Variants in C2CD3 observed in about 807,000 individuals in gnomAD.
C2CD3 encodes C2 domain-containing protein 3.
In C2CD3, 148 loss-of-function variants were observed where a neutral mutation model predicts 234.0. The observed-to-expected ratio is 0.63, with a 90% CI of 0.55 to 0.72. The LOEUF (loss-of-function observed/expected upper bound fraction) is 0.72, where lower values mean the gene tolerates loss of function less well. Among genes scored for constraint, C2CD3 ranks in the 30% least tolerant of loss-of-function variants. C2CD3 has a pLI of 0.00. For missense variants in C2CD3, 2,577 were observed against 2,811.5 expected (o/e 0.92, Z 1.89); for synonymous variants, 1,000 against 1,035.4 (o/e 0.97, Z 0.66).
intron 3 of C2CD3, among the ~76,000 whole-genome samples, chr11:74,151,805 G>A (rs1444925058): frequency 6.6e-6 from 1 of 151,928 alleles, no homozygotes; most frequent in African/African-American, 2.4e-5. Context: ...CCTTAAAACC[G>A]CTATCATATA....
intron 32 of C2CD3, among the ~76,000 whole-genome samples, chr11:74,015,835 G>A (rs1030349276): frequency 6.6e-5 from 10 of 151,824 alleles, no homozygotes; most frequent in African/African-American, 2.2e-4. Context: ...GGGAGGCCAA[G>A]GCAGGGGGAT....
rs2135422060 is a variant in C2CD3 at position 74,042,116 on chromosome 11, T to C, written c.5598A>G (p.Pro1866=). ...GTGATGTGGTCAGTTTGTCATCACA[T>C]GGCAAGGGTGCCTCTCCCTGAAGAT... ...SLHLQGEAPL[P]CDDKLTTSPL... Residue 1866 remains proline, a synonymous_variant, in exon 29 of 33, where the codon CCA becomes CCG. Transcript: ENST00000334126. The C allele has an allele frequency of 6.2e-7, 1 of 1,613,484 alleles. No individual in the cohort carries two copies.
chr11:74,117,168 A>T lies in C2CD3; in HGVS notation c.1520+1060T>A, dbSNP rs866009514. On this transcript the variant is annotated intron_variant, in intron 9 of 32. Coordinates refer to ENST00000334126, the MANE Select transcript of C2CD3 (RefSeq NM_001286577.2). ...AATATATATATATGAATATATATAT[A>T]TGAATATATATATATGAATATATAT... is the stretch of plus-strand genomic sequence containing the variant. Among the ~76,000 whole-genome samples the T allele has an allele frequency of 1.8e-3, 123 of 70,156 alleles. 9 individuals are homozygous for T. The highest frequency in any genetic ancestry group is 0.017 in the East Asian group (40 of 2,422). The allele number at this position is 70,156 out of a possible 152,430, so 46.0% of individuals were successfully genotyped here. A position where few individuals can be genotyped will look rare whatever the true frequency, so the allele number is the denominator to read the frequency against.
At chr11:74,121,327 C>T (rs1172847800) in intron 8 of C2CD3, among the ~76,000 whole-genome samples, 1 of 151,938 alleles carries the variant, frequency 6.6e-6, no homozygotes, top group Admixed American at 6.6e-5. Flanking sequence ...TAAGACAGAG[C>T]TGGACATGAT....
At chr11:74,133,793 C>T (rs1012534426) in intron 5 of C2CD3, among the ~76,000 whole-genome samples, 1 of 152,184 alleles carries the variant, frequency 6.6e-6, no homozygotes, top group Non-Finnish European at 1.5e-5. Context: ...ATGAAGTCTC[C>T]ATTCCGGAGA....
chr11:74,048,962 C>A (rs1301802401), intron 27 of C2CD3, among the ~76,000 whole-genome samples: 1 of 152,134 alleles, frequency 6.6e-6, no homozygotes, highest in Non-Finnish European at 1.5e-5. Flanking sequence ...TCTTCATATT[C>A]TTTCAATTAT....
chr11:74,060,393 A>G (rs1954177041), intron 24 of C2CD3, among the ~76,000 whole-genome samples: 1 of 152,188 alleles, frequency 6.6e-6, no homozygotes, highest in South Asian at 2.1e-4. Flanking sequence ...ACACCCATAC[A>G]GCTGGGTTCC....
intron 28 of C2CD3, among the ~76,000 whole-genome samples, chr11:74,047,812 T>C (rs950499833): frequency 6.6e-6 from 1 of 152,198 alleles, no homozygotes; most frequent in African/African-American, 2.4e-5. Flanking sequence ...CTGAGAGCCA[T>C]ATGCATGTTC....
At chr11:74,139,380 T>C (rs1413686727) in intron 4 of C2CD3, among the ~76,000 whole-genome samples, 2 of 152,244 alleles carry the variant, frequency 1.3e-5, no homozygotes, top group Non-Finnish European at 2.9e-5. Context: ...GCTTCTCCGC[T>C]AGATTGTGAG....
chr11:74,133,017 G>GA (rs779120536), intron 6 of C2CD3, 45 bp from the exon 7 acceptor site: 5 of 1,593,124 alleles, frequency 3.1e-6, no homozygotes, highest in African/African-American at 2.7e-5. Context: ...CTAACAGATG[G>GA]AAAAAATCTA....
intron 24 of C2CD3, among the ~76,000 whole-genome samples, chr11:74,068,924 GCCT>G (rs1246998868): frequency 1.3e-5 from 2 of 152,140 alleles, no homozygotes; most frequent in Non-Finnish European, 2.9e-5. Flanking sequence ...TCCTGCCTCA[GCCT>G]CCTGAGTAGC....
At chr11:74,135,269 CTTT>C (rs111811054) in intron 5 of C2CD3, among the ~76,000 whole-genome samples, 8 of 140,880 alleles carry the variant, frequency 5.7e-5, no homozygotes, top group Admixed American at 7.1e-5. Flanking sequence ...TTATTTAAAA[CTTT>C]TTTTTTTTTT....
At chr11:74,092,339 AC>A in intron 19 of C2CD3, 76 bp downstream of exon 19, 1 of 1,362,850 alleles carries the variant, frequency 7.3e-7, no homozygotes, top group Non-Finnish European at 1.0e-6. Context: ...AGAGGTGTGA[AC>A]CACCGCACCC....
chr11:74,098,217 T>C lies in C2CD3; in HGVS notation c.2771A>G (p.Tyr924Cys), dbSNP rs757252926. 2 of 1,613,970 alleles carry C rather than the reference T, an allele frequency of 1.2e-6. No individual in the cohort carries two copies. Among genetic ancestry groups the C allele is most frequent in the Non-Finnish European group, 1.7e-6 (2 of 1,179,968 alleles). The change falls in exon 16 of 33, where the codon TAC (tyrosine) becomes TGC (cysteine). Residue 924 changes from tyrosine to cysteine, a missense_variant. Physicochemically the swap from Tyr to Cys is radical, Grantham distance 194. Transcript: ENST00000334126. ...GTAGCTGTCGACAGCAACAACTGGG[T>C]ACTGGGCATCCAGCAGCAGGCGAGA... ...KISRLLLDAQ[Y>C]PVVAVDSYMP...
At chr11:74,137,581 A>G in intron 5 of C2CD3, among the ~76,000 whole-genome samples, 1 of 149,458 alleles carries the variant, frequency 6.7e-6, no homozygotes, top group Middle Eastern at 3.4e-3. Flanking sequence ...ATATATATAT[A>G]TTTTTTCTTT....
intron 25 of C2CD3, among the ~76,000 whole-genome samples, chr11:74,055,844 G>A (rs1317879442): frequency 1.3e-5 from 2 of 152,180 alleles, no homozygotes; most frequent in Admixed American, 1.3e-4. Context: ...CTGGGCCACA[G>A]TCTCCTCAAG....
intron 5 of C2CD3, among the ~76,000 whole-genome samples, chr11:74,138,401 T>C (rs947015712): frequency 2.0e-5 from 3 of 152,210 alleles, no homozygotes; most frequent in Non-Finnish European, 4.4e-5. Flanking sequence ...ACAAAAACCT[T>C]ACCTGCCTTG....
intron 22 of C2CD3, among the ~76,000 whole-genome samples, chr11:74,079,479 G>C (rs1955232423): frequency 6.6e-6 from 1 of 151,150 alleles, no homozygotes; most frequent in Non-Finnish European, 1.5e-5. Flanking sequence ...CTTGCACCTT[G>C]GCTTCCCAAG....
intron 22 of C2CD3, 130 bp downstream of exon 22, chr11:74,084,751 G>T: frequency 3.4e-6 from 2 of 596,824 alleles, no homozygotes; most frequent in South Asian, 4.6e-5. Flanking sequence ...ATTGGAGAGA[G>T]TTCAGAAGCA....
Sources: allele counts gnomAD v4.1 joint callset (sites outside exome capture counted in the v4.1 genomes callset), GRCh38; gene constraint gnomAD v4.1.1; transcripts MANE v1.5; gene names NCBI Gene and HGNC (gene_info 2026-07-23, HGNC 2026-07-21).